Variants in GALNT17 observed in about 807,000 individuals in gnomAD.
GALNT17 encodes the protein UDP-GalNAc:polypeptide N-acetylgalactosaminyltransferase-like 3.
A neutral mutation model predicts 63.7 loss-of-function variants in GALNT17; 29 were observed. The ratio of observed to expected loss-of-function variants is 0.46; its 90% CI spans 0.34 to 0.62. GALNT17 has a LOEUF of 0.62. Ranked by LOEUF, GALNT17 falls within the 20% of genes least tolerant of loss-of-function variation. GALNT17 has a pLI of 0.01. For synonymous variants in GALNT17, 305 were observed against 318.3 expected (o/e 0.96, Z 0.45); for missense variants, 603 against 799.6 (o/e 0.75, Z 2.97).
At chr7:71,586,312 T>C (rs1452348209) in intron 6 of GALNT17, among the ~76,000 whole-genome samples, 2 of 152,222 alleles carry the variant, frequency 1.3e-5, no homozygotes, top group Non-Finnish European at 2.9e-5. Flanking sequence ...ACTAAAGGAA[T>C]GTTTGTGAGA....
At chr7:71,628,614 T>C (rs1214915662) in intron 6 of GALNT17, among the ~76,000 whole-genome samples, 3 of 151,690 alleles carry the variant, frequency 2.0e-5, no homozygotes, top group African/African-American at 7.3e-5. Context: ...TGAGCCACCA[T>C]GCCCAGCCAA....
intron 5 of GALNT17, among the ~76,000 whole-genome samples, chr7:71,439,301 G>T (rs1787023495): frequency 6.6e-6 from 1 of 152,182 alleles, no homozygotes; most frequent in Non-Finnish European, 1.5e-5. Flanking sequence ...AAATGGGAGT[G>T]CACTTACAGA....
At chr7:71,334,520 C>T (rs1264147995) in intron 1 of GALNT17, among the ~76,000 whole-genome samples, 1 of 152,102 alleles carries the variant, frequency 6.6e-6, no homozygotes, top group African/African-American at 2.4e-5. Flanking sequence ...TTTGAAATGG[C>T]AGAAGGCAAT....
At chr7:71,437,707 TTTTG>T (rs1170986231) in intron 5 of GALNT17, among the ~76,000 whole-genome samples, 5 of 152,058 alleles carry the variant, frequency 3.3e-5, no homozygotes, top group Admixed American at 1.3e-4. Context: ...TTGTTGTTGT[TTTTG>T]TTTGTTTGTT....
chr7:71,316,277 A>ATCAGGATCCTGG (rs1791498801), intron 1 of GALNT17, among the ~76,000 whole-genome samples: 2 of 97,160 alleles, frequency 2.1e-5, no homozygotes, highest in African/African-American at 3.7e-5. Context: ...TGATCTGTGG[A>ATCAGGATCCTGG]TCTGTGGATC....
At chr7:71,159,994 A>G (rs1239932854) in intron 1 of GALNT17, among the ~76,000 whole-genome samples, 1 of 152,114 alleles carries the variant, frequency 6.6e-6, no homozygotes, top group Non-Finnish European at 1.5e-5. Context: ...CATGTTGGCC[A>G]GGCTGATCTC....
In GALNT17 at chr7:71,421,095, C is replaced by T. The variant is rs372792355; in HGVS notation, c.952C>T (p.Leu318Phe). Residue 318 changes from leucine (L) to phenylalanine (F), a missense_variant, in exon 5 of 11, where the codon CTC (leucine) becomes TTC (phenylalanine). By Grantham distance (22) the Leu-to-Phe change is conservative. Around this residue, in one of 3 missense-constraint regions of GALNT17, gnomAD observed 336 missense variants for 507.8 expected, o/e 0.66. Coordinates refer to ENST00000333538, the MANE Select transcript of GALNT17 (RefSeq NM_022479.3). ...KDWWDAGDPS[L>F]PIRTPAMIGC... is the part of the protein sequence containing the mutation. The stretch of plus-strand genomic sequence containing the variant: ...CTGGTGGGACGCCGGAGACCCTTCT[C>T]TCCCCATCAGGTCTGTGGCTGGTGA... 1.2e-6 allele frequency: 2 copies of T among 1,613,874 alleles called. No individual in the cohort carries two copies. The highest frequency in any genetic ancestry group is 1.7e-6 in the Non-Finnish European group (2 of 1,179,922).
chr7:71,502,213 C>T (rs998371958), intron 5 of GALNT17, among the ~76,000 whole-genome samples: 4 of 152,334 alleles, frequency 2.6e-5, no homozygotes, highest in African/African-American at 7.2e-5. Context: ...TGTGTCTATT[C>T]CTCACCACCC....
At chr7:71,383,520 C>A (rs540160533) in intron 2 of GALNT17, among the ~76,000 whole-genome samples, 1 of 152,202 alleles carries the variant, frequency 6.6e-6, no homozygotes, top group South Asian at 2.1e-4. Context: ...CTCACTGTAA[C>A]CCTGAAGTCC....
chr7:71,290,371 T>C (rs1318985047), intron 1 of GALNT17, among the ~76,000 whole-genome samples: 12 of 152,164 alleles, frequency 7.9e-5, no homozygotes, highest in Non-Finnish European at 1.6e-4. Flanking sequence ...AATATACTCA[T>C]CTAGGGAGCT....
At chr7:71,181,704 A>C (rs1244471920) in intron 1 of GALNT17, among the ~76,000 whole-genome samples, 1 of 151,740 alleles carries the variant, frequency 6.6e-6, no homozygotes, top group Non-Finnish European at 1.5e-5. Context: ...TCCCATCCCT[A>C]TAAAAAAGTA....
intron 1 of GALNT17, among the ~76,000 whole-genome samples, chr7:71,170,789 A>G (rs1231381522): frequency 1.3e-5 from 2 of 152,208 alleles, no homozygotes; most frequent in African/African-American, 4.8e-5. Flanking sequence ...GGTGTATTAT[A>G]CATTTCTCCC....
chr7:71,659,910 G>T (rs183917580), intron 6 of GALNT17, among the ~76,000 whole-genome samples: 1 of 152,138 alleles, frequency 6.6e-6, no homozygotes, highest in Non-Finnish European at 1.5e-5. Context: ...TTTCCTGGGG[G>T]ATGCTTTCTC....
chr7:71,550,643 A>G (rs1789060996), intron 5 of GALNT17, among the ~76,000 whole-genome samples: 1 of 152,138 alleles, frequency 6.6e-6, no homozygotes, highest in Non-Finnish European at 1.5e-5. Flanking sequence ...GGCCTCCCAA[A>G]GTGCTGGTGG....
intron 5 of GALNT17, among the ~76,000 whole-genome samples, chr7:71,440,570 C>G (rs1194210890): frequency 6.6e-6 from 1 of 152,032 alleles, no homozygotes; most frequent in Non-Finnish European, 1.5e-5. Flanking sequence ...GATGGGGTTT[C>G]ACCATGTTGG....
chr7:71,652,855 A>G (rs1305519419), intron 6 of GALNT17, among the ~76,000 whole-genome samples: 3 of 152,210 alleles, frequency 2.0e-5, no homozygotes, highest in Non-Finnish European at 2.9e-5. Context: ...TAGCTCGCCC[A>G]TCTGGCTCTG....
At chr7:71,243,521 A>T (rs1790039132) in intron 1 of GALNT17, among the ~76,000 whole-genome samples, 1 of 152,114 alleles carries the variant, frequency 6.6e-6, no homozygotes, top group South Asian at 2.1e-4. Flanking sequence ...CACAAGCAGA[A>T]ATATGCAATC....
chr7:71,627,424 GAAAAT>G (rs1790390273), intron 6 of GALNT17, among the ~76,000 whole-genome samples: 4 of 152,160 alleles, frequency 2.6e-5, no homozygotes, highest in Admixed American at 2.6e-4. Context: ...GTCTCGAAAA[GAAAAT>G]AAAAGGAAAA....
chr7:71,308,442 A>G (rs1202218329), intron 1 of GALNT17, among the ~76,000 whole-genome samples: 6 of 152,294 alleles, frequency 3.9e-5, no homozygotes, highest in Non-Finnish European at 8.8e-5. Context: ...TGTGTTTCTC[A>G]GGAGTAGGGA....
Sources: allele counts gnomAD v4.1 joint callset (sites outside exome capture counted in the v4.1 genomes callset), GRCh38; gene constraint gnomAD v4.1.1; regional missense constraint gnomAD v4.1.1; transcripts MANE v1.5; gene names NCBI Gene and HGNC (gene_info 2026-07-23, HGNC 2026-07-21).